Variants in TMEM116 observed in about 807,000 individuals in gnomAD.
TMEM116 encodes transmembrane protein 116.
A neutral mutation model predicts 44.3 loss-of-function variants in TMEM116; 38 were observed. That is an observed-to-expected ratio of 0.86 (90% CI 0.66 to 1.12). TMEM116 has a LOEUF of 1.12. TMEM116 is among the 50% of genes most tolerant of loss of function. The pLI is 0.00. For synonymous variants in TMEM116, 132 were observed against 144.8 expected (o/e 0.91, Z 0.64); for missense variants, 354 against 401.7 (o/e 0.88, Z 1.01).
intron 1 of TMEM116, chr12:112,005,935 G>A (rs1329664489): frequency 7.1e-6 from 7 of 985,564 alleles, no homozygotes; most frequent in Non-Finnish European, 7.2e-6. Flanking sequence ...GACAGGGAGA[G>A]CTTCTGACCT....
chr12:111,956,917 C>T (rs953211140), intron 4 of TMEM116, among the ~76,000 whole-genome samples: 2 of 152,226 alleles, frequency 1.3e-5, no homozygotes, highest in Non-Finnish European at 2.9e-5. Context: ...AGATTGCAGC[C>T]TCTGCCTGGC....
At chr12:112,007,924 T>C (rs1044202542) in intron 1 of TMEM116, among the ~76,000 whole-genome samples, 1 of 152,248 alleles carries the variant, frequency 6.6e-6, no homozygotes, top group Non-Finnish European at 1.5e-5. Context: ...CTTTGTCCCT[T>C]TGAAGTATCT....
chr12:111,967,654 C>G (rs1037648941), intron 4 of TMEM116, among the ~76,000 whole-genome samples: 2 of 152,046 alleles, frequency 1.3e-5, no homozygotes, highest in Non-Finnish European at 2.9e-5. Flanking sequence ...ATAATAAACA[C>G]TTGATATCAC....
intron 4 of TMEM116, among the ~76,000 whole-genome samples, chr12:111,971,841 C>A (rs1420967778): frequency 6.6e-6 from 1 of 151,888 alleles, no homozygotes; most frequent in Non-Finnish European, 1.5e-5. Flanking sequence ...TTGAAAGGCT[C>A]ACTTGTGTAA....
chr12:111,941,653 A>T (rs138950774), intron 5 of TMEM116, among the ~76,000 whole-genome samples: 7 of 152,154 alleles, frequency 4.6e-5, no homozygotes, highest in Non-Finnish European at 7.3e-5. Context: ...TTATATAGAC[A>T]ATGATATCTT....
intron 4 of TMEM116, among the ~76,000 whole-genome samples, chr12:111,979,822 A>G (rs2075850061): frequency 6.6e-6 from 1 of 152,250 alleles, no homozygotes; most frequent in Non-Finnish European, 1.5e-5. Flanking sequence ...GTAGCAAATG[A>G]GCATATAAAA....
intron 1 of TMEM116, among the ~76,000 whole-genome samples, chr12:112,009,535 TAAA>T (rs35585213): frequency 3.2e-5 from 4 of 125,796 alleles, no homozygotes; most frequent in Non-Finnish European, 3.4e-5. Flanking sequence ...TGGGTTTACT[TAAA>T]AAAAAAAAAA....
chr12:111,941,097 G>T (rs545602764), intron 5 of TMEM116, among the ~76,000 whole-genome samples: 2 of 152,292 alleles, frequency 1.3e-5, no homozygotes, highest in South Asian at 4.1e-4. Context: ...GGAAGAGTAG[G>T]CCGGGCGCGT....
chr12:111,996,158 A>G (rs1416033431), intron 3 of TMEM116, among the ~76,000 whole-genome samples: 1 of 151,810 alleles, frequency 6.6e-6, no homozygotes, highest in Non-Finnish European at 1.5e-5. Context: ...ATTTTTGTTT[A>G]GGGAAAATTT....
At position 111,975,419 on chromosome 12, in the gene TMEM116, G is replaced by A. The variant is rs575035938; in HGVS notation, c.210+16339C>T. Among the ~76,000 whole-genome samples, 3 of 152,128 alleles carry A rather than the reference G, an allele frequency of 2.0e-5. No individual in the cohort carries two copies. In the East Asian group the frequency reaches 5.8e-4, roughly 29 times the overall value. ...AGTCCTCCTGCCTCAGCCTCCCAAA[G>A]TACTGGGATTACAGGCATGAGCCAC... On this transcript the variant is annotated intron_variant, in intron 4 of 10. Coordinates refer to ENST00000552374, the MANE Select transcript of TMEM116 (RefSeq NM_001193531.2).
chr12:111,940,474 T>TACACACACACACACACACAC (rs199977734), intron 5 of TMEM116, among the ~76,000 whole-genome samples: 89 of 106,982 alleles, frequency 8.3e-4, no homozygotes, highest in African/African-American at 3.3e-3. Flanking sequence ...CATATATATA[T>TACACACACACACACACACAC]ATACATACAC....
At chr12:111,994,692 AAC>A (rs2076832545) in intron 3 of TMEM116, among the ~76,000 whole-genome samples, 1 of 152,206 alleles carries the variant, frequency 6.6e-6, no homozygotes, top group African/African-American at 2.4e-5. Context: ...TTAAAACAGA[AAC>A]ACAGTCTATC....
At chr12:112,002,393 CAAA>C (rs1160168400) in intron 3 of TMEM116, among the ~76,000 whole-genome samples, 4 of 66,920 alleles carry the variant, frequency 6.0e-5, no homozygotes, top group Admixed American at 1.8e-4. Context: ...AACTCTGTCT[CAAA>C]AAAAAAAAAA....
At chr12:111,982,372 C>T (rs2075989358) in intron 4 of TMEM116, among the ~76,000 whole-genome samples, 1 of 148,786 alleles carries the variant, frequency 6.7e-6, no homozygotes, top group Admixed American at 6.7e-5. Flanking sequence ...GTGATCTCGG[C>T]TCACTGAAAC....
At chr12:111,977,407 C>T (rs1455124452) in intron 4 of TMEM116, among the ~76,000 whole-genome samples, 1 of 152,076 alleles carries the variant, frequency 6.6e-6, no homozygotes, top group African/African-American at 2.4e-5. Flanking sequence ...GAGACAGTTG[C>T]ACATTGTTAA....
chr12:111,998,339 A>G (rs759973491), intron 3 of TMEM116, among the ~76,000 whole-genome samples: 5 of 152,288 alleles, frequency 3.3e-5, no homozygotes, highest in Non-Finnish European at 7.4e-5. Context: ...TGAAAATATT[A>G]ATTATTGGAG....
Position 111,947,172 on chromosome 12 carries a change from C to CT in TMEM116, c.211-3804dup, listed in dbSNP as rs76012436. ...AAATTTCTGTACTTGCTTTTAAAGA[C>CT]TTTTTTTTTTTTTTTTGCTTTTAAA... On this transcript the variant is annotated intron_variant, in intron 4 of 10. Coordinates refer to ENST00000552374, the MANE Select transcript of TMEM116 (RefSeq NM_001193531.2). Among the ~76,000 whole-genome samples the CT allele has an allele frequency of 3.1e-3, 388 of 123,802 alleles. 2 individuals are homozygous for CT. Among genetic ancestry groups the CT allele is most frequent in the South Asian group, 0.013 (53 of 4,054 alleles). The allele number at this position is 123,802 out of a possible 152,430, so 81.2% of individuals were successfully genotyped here.
At chr12:111,934,664 A>G (rs1336189744) in intron 8 of TMEM116, 1 of 152,188 alleles carries the variant, frequency 6.6e-6, no homozygotes, top group African/African-American at 2.4e-5. Flanking sequence ...AGGCTGAGGC[A>G]GGAGAATTGC....
At chr12:111,942,119 G>A (rs568157489) in intron 5 of TMEM116, among the ~76,000 whole-genome samples, 13 of 151,540 alleles carry the variant, frequency 8.6e-5, no homozygotes, top group African/African-American at 3.1e-4. Context: ...TGTATTTTTA[G>A]TAGAGACGGG....
Sources: gnomAD v4.1 joint callset for allele counts (sites outside exome capture counted in the v4.1 genomes callset) on GRCh38, gnomAD v4.1.1 for gene constraint, MANE v1.5 for transcripts, NCBI Gene and HGNC (gene_info 2026-07-23, HGNC 2026-07-21) for gene names.